PTPRD: variants seen among roughly 807,000 people sequenced by gnomAD.
PTPRD encodes receptor-type tyrosine-protein phosphatase delta.
In PTPRD, 34 loss-of-function variants were observed where a neutral mutation model predicts 214.5. The ratio of observed to expected loss-of-function variants is 0.16; its 90% CI spans 0.12 to 0.21. The LOEUF is 0.21. Among genes scored for constraint, PTPRD ranks in the 10% least tolerant of loss-of-function variants. The pLI, the probability that PTPRD is intolerant of heterozygous loss-of-function variation, is 1.00. For synonymous variants in PTPRD, 1,128 were observed against 845.7 expected, an observed-to-expected ratio of 1.33 and a Z score of -5.79; for missense variants, 2,545 against 2,398.7, an observed-to-expected ratio of 1.06 and a Z score of -1.27.
intron 11 of PTPRD, among the ~76,000 whole-genome samples, chr9:8,883,389 C>G (rs2098462326): frequency 6.6e-6 from 1 of 152,200 alleles, no homozygotes; most frequent in Non-Finnish European, 1.5e-5. Flanking sequence ...AATGCCTAGA[C>G]ACTTAAGCCA....
intron 2 of PTPRD, among the ~76,000 whole-genome samples, chr9:10,349,928 T>C (rs10809074): frequency 0.12 from 18,252 of 152,218 alleles, 1,357 homozygotes; most frequent in South Asian, 0.18. Flanking sequence ...CCCAAAGTGC[T>C]GGGATTACAG....
intron 10 of PTPRD, among the ~76,000 whole-genome samples, chr9:9,164,570 A>T (rs1414943225): frequency 6.6e-6 from 1 of 151,886 alleles, no homozygotes; most frequent in African/African-American, 2.4e-5. Context: ...TACTTGTTTA[A>T]ATGTTTGTTT....
chr9:8,749,517 T>G (rs2093299338), intron 11 of PTPRD, among the ~76,000 whole-genome samples: 1 of 152,158 alleles, frequency 6.6e-6, no homozygotes, highest in Non-Finnish European at 1.5e-5. Context: ...ACCTATATTT[T>G]AAGTGACCAT....
rs5896262 is a variant in PTPRD at position 8,832,410 on chromosome 9, CTTTT to C, written c.-103-98468_-103-98465del. On this transcript the variant is annotated intron_variant, in intron 11 of 45. Transcript: ENST00000381196. ...TAAAGCAAGGGGCAGCTAAAATCAT[CTTTT>C]TTTTTTTTTTTTTTTGTCAAATAAC... Among the ~76,000 whole-genome samples, 244 of 127,964 alleles carry C rather than the reference CTTTT, an allele frequency of 1.9e-3. 7 individuals carry two copies. Among genetic ancestry groups the C allele is most frequent in the African/African-American group, 6.6e-3 (226 of 34,110 alleles). 83.9% of individuals were successfully genotyped at this position (127,964 alleles called of 152,430 possible).
chr9:8,902,352 T>C (rs2098676469), intron 11 of PTPRD, among the ~76,000 whole-genome samples: 1 of 151,244 alleles, frequency 6.6e-6, no homozygotes, highest in Non-Finnish European at 1.5e-5. Flanking sequence ...TTTCTTTTTT[T>C]TTTTTTTTGA....
chr9:10,146,922 G>A (rs2099026661), intron 3 of PTPRD, among the ~76,000 whole-genome samples: 1 of 152,158 alleles, frequency 6.6e-6, no homozygotes, highest in African/African-American at 2.4e-5. Flanking sequence ...ACATGAATGT[G>A]CTGCTGACAG....
chr9:9,111,380 G>A lies in PTPRD; in HGVS notation c.-143+71924C>T, dbSNP rs190707505. 6.1e-4 allele frequency among the ~76,000 whole-genome samples: 92 copies of A among 151,306 alleles called. 1 individual carries two copies. Among genetic ancestry groups the A allele is most frequent in the African/African-American group, 1.5e-3 (63 of 41,198 alleles). ...CCAGTGAGTCTAAGTCTTTAGAACC[G>A]GAATCTTCTGATCGCCGCCTTCCTA... On this transcript the variant is annotated intron_variant, in intron 10 of 45. Coordinates refer to ENST00000381196, the MANE Select transcript of PTPRD (RefSeq NM_002839.4).
chr9:10,259,313 C>T (rs753285066), intron 3 of PTPRD, among the ~76,000 whole-genome samples: 114 of 152,124 alleles, frequency 7.5e-4, no homozygotes, highest in Non-Finnish European at 1.2e-3. Flanking sequence ...CGTGAGCCAC[C>T]GCGCCCGGCC....
chr9:9,342,414 G>GA lies in PTPRD; in HGVS notation c.-203+55034dup, dbSNP rs535518264. ...ATACAGGGTTAAAAGGAAAAGTAGA[G>GA]AAAAAATACTAACAGGAGTAATGTT... is the stretch of plus-strand genomic sequence containing the variant. On this transcript the variant is annotated intron_variant, in intron 9 of 45. Transcript: ENST00000381196. 3.3e-5 allele frequency among the ~76,000 whole-genome samples: 5 copies of GA among 152,182 alleles called. No homozygotes were observed. The South Asian group carries it at 1.0e-3, about 32-fold the overall frequency.
At chr9:8,867,672 G>A (rs2098222788) in intron 11 of PTPRD, among the ~76,000 whole-genome samples, 1 of 152,230 alleles carries the variant, frequency 6.6e-6, no homozygotes, top group Non-Finnish European at 1.5e-5. Context: ...AGCAAATGCT[G>A]AAAGCAATAA....
At chr9:10,476,969 G>C (rs4601372) in intron 2 of PTPRD, among the ~76,000 whole-genome samples, 129,916 of 152,122 alleles carry the variant, frequency 0.85, 55,531 homozygotes, top group East Asian at 0.94. Context: ...TTACTTAGAC[G>C]TTATAGAAAA....
At chr9:8,779,220 A>G (rs989559322) in intron 11 of PTPRD, among the ~76,000 whole-genome samples, 3 of 152,188 alleles carry the variant, frequency 2.0e-5, no homozygotes, top group Non-Finnish European at 4.4e-5. Flanking sequence ...AAGAACAACA[A>G]GAATCTGTTA....
At chr9:10,320,462 T>C (rs1185107745) in intron 3 of PTPRD, among the ~76,000 whole-genome samples, 1 of 152,072 alleles carries the variant, frequency 6.6e-6, no homozygotes, top group Non-Finnish European at 1.5e-5. Context: ...GTCAACTGCT[T>C]TGTCATGTGC....
At chr9:10,262,467 T>C (rs1039109913) in intron 3 of PTPRD, among the ~76,000 whole-genome samples, 1 of 152,184 alleles carries the variant, frequency 6.6e-6, no homozygotes, top group African/African-American at 2.4e-5. Context: ...TAAGAAATAG[T>C]GAAGCCATGA....
chr9:9,857,141 G>C (rs540931919), intron 5 of PTPRD, among the ~76,000 whole-genome samples: 2 of 152,264 alleles, frequency 1.3e-5, no homozygotes, highest in Admixed American at 1.3e-4. Flanking sequence ...CAATCCATTT[G>C]CCTAGTTGTT....
At chr9:9,888,404 C>G (rs146826845) in intron 5 of PTPRD, among the ~76,000 whole-genome samples, 183 of 152,180 alleles carry the variant, frequency 1.2e-3, no homozygotes, top group African/African-American at 4.1e-3. Context: ...GGATATTTGT[C>G]CCTTACAGAT....
rs189980681 is a variant in PTPRD at position 8,932,134 on chromosome 9, A to G, written c.-104+86563T>C. Reference sequence around the variant, plus strand: ...GCTCCTGGATTCGTTGATTTTTTGAAGGGTTTTTCGTGTCTGTATCTCCTT... The same window carrying G: ...GCTCCTGGATTCGTTGATTTTTTGAGGGGTTTTTCGTGTCTGTATCTCCTT... On this transcript the variant is annotated intron_variant, in intron 11 of 45. Transcript: ENST00000381196. Among the ~76,000 whole-genome samples, 20 of 152,172 alleles carry G rather than the reference A, an allele frequency of 1.3e-4. No individual in the cohort carries two copies. The East Asian group carries it at 3.1e-3, about 24-fold the overall frequency.
chr9:9,519,734 G>T (rs1384645017), intron 8 of PTPRD, among the ~76,000 whole-genome samples: 1 of 151,850 alleles, frequency 6.6e-6, no homozygotes, highest in Non-Finnish European at 1.5e-5. Context: ...ATACAAGATG[G>T]TTCATCAATT....
chr9:9,830,794 C>T (rs1413641111), intron 5 of PTPRD, among the ~76,000 whole-genome samples: 4 of 151,914 alleles, frequency 2.6e-5, no homozygotes. Flanking sequence ...AGGTCCTTAG[C>T]TGTGACCCCA....
Sources: allele counts gnomAD v4.1 joint callset (sites outside exome capture counted in the v4.1 genomes callset), GRCh38; gene constraint gnomAD v4.1.1; transcripts MANE v1.5; gene names NCBI Gene and HGNC (gene_info 2026-07-23, HGNC 2026-07-21).